Variants in C1GALT1 observed in about 807,000 individuals in gnomAD.
The protein encoded by C1GALT1 is glycoprotein-N-acetylgalactosamine 3-beta-galactosyltransferase 1.
C1GALT1 carries 11 observed loss-of-function variants against 31.0 expected under a neutral mutation model. The observed-to-expected ratio is 0.36, with a 90% CI of 0.22 to 0.59. The LOEUF is 0.59. Ranked by LOEUF, C1GALT1 falls within the 20% of genes least tolerant of loss-of-function variation. C1GALT1 has a pLI of 0.79. For missense variants in C1GALT1, 424 were observed against 425.2 expected, an observed-to-expected ratio of 1.00 and a Z score of 0.03; for synonymous variants, 175 against 143.6, an observed-to-expected ratio of 1.22 and a Z score of -1.56.
chr7:7,187,352 C>G (rs1780863758), intron 1 of C1GALT1, among the ~76,000 whole-genome samples: 1 of 152,066 alleles, frequency 6.6e-6, no homozygotes, highest in Non-Finnish European at 1.5e-5. Flanking sequence ...TGGGTTCACG[C>G]CATTCTCCTG....
At chr7:7,183,678 C>T in intron 1 of C1GALT1, 1 of 808,968 alleles carries the variant, frequency 1.2e-6, no homozygotes, top group Non-Finnish European at 1.5e-6. Flanking sequence ...CCCCACCCCC[C>T]ACCACCCCGC....
At chr7:7,203,492 A>G (rs763528393) in intron 1 of C1GALT1, among the ~76,000 whole-genome samples, 5 of 151,976 alleles carry the variant, frequency 3.3e-5, no homozygotes, top group Non-Finnish European at 7.4e-5. Flanking sequence ...AATGAGGTGT[A>G]TTGCCTTGAT....
Position 7,238,565 on chromosome 7 carries a change from C to T in C1GALT1, c.531C>T (p.Asp177=). The T allele has an allele frequency of 1.9e-6, 3 of 1,614,068 alleles. No homozygotes were observed. The highest frequency in any genetic ancestry group is 2.2e-5 in the South Asian group (2 of 91,050). Residue 177 remains aspartate, a synonymous_variant, in exon 3 of 4, where the codon GAC becomes GAT. Transcript: ENST00000436587. This position sits in a 1 kb window ranked among gnomAD's most constrained non-coding sequence, Gnocchi z 5.2. ...ATGATGACACGTATGTCATACTAGACAATTTGAGGTGGCTTCTTTCAAAAT... is the reference window on the plus strand; with the variant it reads ...ATGATGACACGTATGTCATACTAGATAATTTGAGGTGGCTTCTTTCAAAAT... ...KADDDTYVIL[D]NLRWLLSKYD...
intron 1 of C1GALT1, among the ~76,000 whole-genome samples, chr7:7,218,154 A>G (rs1384451022): frequency 6.6e-6 from 1 of 152,228 alleles, no homozygotes; most frequent in African/African-American, 2.4e-5. Flanking sequence ...AAAGTTAGTT[A>G]CAGGTCTGTG....
upstream of C1GALT1, among the ~76,000 whole-genome samples, chr7:7,181,324 G>A (rs1221544647): frequency 6.8e-6 from 1 of 147,038 alleles, no homozygotes; most frequent in Non-Finnish European, 1.5e-5. Context: ...GTAGAGAATG[G>A]ACGTAATCAT....
upstream of C1GALT1, among the ~76,000 whole-genome samples, chr7:7,179,630 ATACT>A (rs1485879121): frequency 3.9e-5 from 6 of 152,206 alleles, no homozygotes; most frequent in African/African-American, 1.2e-4. Flanking sequence ...ATTGCATTTG[ATACT>A]TACAACAGAC....
At chr7:7,159,608 C>T (rs1469619) in intron 2 of C1GALT1, among the ~76,000 whole-genome samples, 53,762 of 151,950 alleles carry the variant, frequency 0.35, 10,592 homozygotes, top group East Asian at 0.56. Flanking sequence ...AGAAACAGGA[C>T]TCTTACAGAC....
chr7:7,174,826 A>T (rs1780487947), intron 2 of C1GALT1, among the ~76,000 whole-genome samples: 1 of 152,014 alleles, frequency 6.6e-6, no homozygotes, highest in East Asian at 1.9e-4. Context: ...TGATATTCTC[A>T]TCTTGTTCAT....
intron 1 of C1GALT1, among the ~76,000 whole-genome samples, chr7:7,207,654 T>C (rs1781809569): frequency 1.3e-5 from 2 of 152,110 alleles, no homozygotes; most frequent in African/African-American, 2.4e-5. Context: ...TTTCTTTCTT[T>C]TAGTGGGCCA....
chr7:7,178,496 TA>T (rs200444958), upstream of C1GALT1, among the ~76,000 whole-genome samples: 2,727 of 152,032 alleles, frequency 0.018, 33 homozygotes, highest in Middle Eastern at 0.031. Flanking sequence ...TTTAAAAAAT[TA>T]AAAAAAATTG....
rs186419195 is a variant in C1GALT1 at position 7,195,378 on chromosome 7, T to C, written c.-18+12558T>C. Among the ~76,000 whole-genome samples, 457 of 152,348 alleles carry C rather than the reference T, an allele frequency of 3.0e-3. 4 individuals carry two copies. Among genetic ancestry groups the C allele is most frequent in the African/African-American group, 0.01 (434 of 41,584 alleles). On this transcript the variant is annotated intron_variant, in intron 1 of 3. Transcript: ENST00000436587. ...AGGTTTTGATAGGTTGTGTCACTTT[T>C]ATCATTCAGTTCAAAGGATTTTTAA...
In C1GALT1 at chr7:7,245,883, C is replaced by G. The variant is rs573287231; in HGVS notation, c.*2156C>G. On this transcript the variant is annotated 3_prime_UTR_variant, in exon 4 of 4. Transcript: ENST00000436587. ...GTAACCTTGAGCAATTTTAATCTCT[C>G]TGTGTCTCAATTTCCTCATCTTTTA... 1 of 152,254 alleles carries G rather than the reference C, an allele frequency of 6.6e-6. No homozygotes were observed. The highest frequency in any genetic ancestry group is 2.4e-5 in the African/African-American group (1 of 41,554). The allele number at this position is 152,254 out of a possible 1,614,324, so 9.4% of individuals were successfully genotyped here. A position where few individuals can be genotyped will look rare whatever the true frequency, so the allele number is the denominator to read the frequency against.
rs1268841338 is a variant in C1GALT1, at chr7:7,243,562, C to G, written c.927C>G (p.His309Gln). The G allele has an allele frequency of 1.2e-6, 2 of 1,609,474 alleles. No homozygotes were observed. The highest frequency in any genetic ancestry group is 2.2e-5 in the East Asian group (1 of 44,754). ...GCTCTGATCTTGCAGTTTCTTTTCA[C>G]TATGTTGATTCTACAACCATGTATG... is the stretch of plus-strand genomic sequence containing the variant. Reference protein sequence around the residue: ...GCCSDLAVSFHYVDSTTMYEL... With the variant: ...GCCSDLAVSFQYVDSTTMYEL... The change falls in exon 4 of 4, where the codon CAC becomes CAG. Residue 309 changes from histidine (H) to glutamine (Q), a missense_variant. Coordinates refer to ENST00000436587, the MANE Select transcript of C1GALT1 (RefSeq NM_020156.5).
chr7:7,200,136 C>G (rs930277660), intron 1 of C1GALT1, among the ~76,000 whole-genome samples: 1 of 152,118 alleles, frequency 6.6e-6, no homozygotes, highest in Non-Finnish European at 1.5e-5. Flanking sequence ...TTCCTAGCAG[C>G]GATGGTCTTT....
chr7:7,247,764 G>C lies in C1GALT1; in HGVS notation c.*4037G>C, dbSNP rs1359055556. 1 of 151,776 alleles carries C rather than the reference G, an allele frequency of 6.6e-6. No homozygotes were observed. Among genetic ancestry groups the C allele is most frequent in the Non-Finnish European group, 1.5e-5 (1 of 67,880 alleles). 9.4% of individuals were successfully genotyped at this position (151,776 alleles called of 1,614,324 possible). On this transcript the variant is annotated 3_prime_UTR_variant, in exon 4 of 4. Coordinates refer to ENST00000436587, the MANE Select transcript of C1GALT1 (RefSeq NM_020156.5). ...CTTTATTACTAACTTCCATTTTCTA[G>C]TTACTCTTAAATGCTGCCTTCACAA...
At chr7:7,236,750 T>C (rs1343950274) in intron 2 of C1GALT1, among the ~76,000 whole-genome samples, 1 of 151,996 alleles carries the variant, frequency 6.6e-6, no homozygotes, top group Non-Finnish European at 1.5e-5. Flanking sequence ...GGTCTCGAAC[T>C]CCTGACCTCG....
chr7:7,203,951 C>T (rs894802287), intron 1 of C1GALT1, among the ~76,000 whole-genome samples: 1 of 152,028 alleles, frequency 6.6e-6, no homozygotes, highest in African/African-American at 2.4e-5. Context: ...CATCCTTTAA[C>T]ACATCTCTCC....
At chr7:7,194,292 A>G (rs1191754452) in intron 1 of C1GALT1, among the ~76,000 whole-genome samples, 1 of 152,064 alleles carries the variant, frequency 6.6e-6, no homozygotes, top group Non-Finnish European at 1.5e-5. Flanking sequence ...TCCATTCAGT[A>G]TAATGTTAGC....
At chr7:7,217,951 C>CGG (rs1782322916) in intron 1 of C1GALT1, among the ~76,000 whole-genome samples, 2 of 152,076 alleles carry the variant, frequency 1.3e-5, no homozygotes, top group Admixed American at 6.5e-5. Flanking sequence ...GCAAGCTGAG[C>CGG]GGTATGTTAG....
Sources: allele counts gnomAD v4.1 joint callset (sites outside exome capture counted in the v4.1 genomes callset), GRCh38; gene constraint gnomAD v4.1.1; non-coding constraint Gnocchi (gnomAD v3.1); transcripts MANE v1.5; gene names NCBI Gene and HGNC (gene_info 2026-07-23, HGNC 2026-07-21).